The following ADAMTSL3 variants were observed in gnomAD, a reference collection of about 807,000 sequenced individuals.
ADAMTSL3 encodes the protein ADAMTS-like protein 3.
ADAMTSL3 carries 128 observed loss-of-function variants against 201.7 expected under a neutral mutation model. The observed-to-expected ratio is 0.63, with a 90% CI of 0.55 to 0.73. The LOEUF is 0.73. ADAMTSL3 is among the 30% of genes least tolerant of loss of function. The probability of loss-of-function intolerance (pLI) is 0.00; values close to 1 mark genes in which losing one functional copy is unlikely to be tolerated. For synonymous variants in ADAMTSL3, 738 were observed against 748.4 expected (o/e 0.99, Z 0.23); for missense variants, 1,990 against 2,119.6 (o/e 0.94, Z 1.20).
chr15:84,003,560 C>T (rs2067838244), intron 23 of ADAMTSL3, among the ~76,000 whole-genome samples: 1 of 152,110 alleles, frequency 6.6e-6, no homozygotes, highest in Non-Finnish European at 1.5e-5. Context: ...AGAGCAGGAG[C>T]CAGAGTGGCT....
At chr15:83,880,911 A>T (rs1160714331) in intron 9 of ADAMTSL3, among the ~76,000 whole-genome samples, 8 of 150,790 alleles carry the variant, frequency 5.3e-5, no homozygotes, top group East Asian at 1.9e-4. Flanking sequence ...TATAATATCT[A>T]TTTTTTTTCA....
At chr15:83,827,069 C>G (rs2064040026) in intron 6 of ADAMTSL3, among the ~76,000 whole-genome samples, 1 of 152,142 alleles carries the variant, frequency 6.6e-6, no homozygotes, top group Non-Finnish European at 1.5e-5. Flanking sequence ...AGTTCTAGAT[C>G]CCTGAGGAAT....
chr15:83,673,446 A>G (rs2061353461), intron 2 of ADAMTSL3, among the ~76,000 whole-genome samples: 2 of 152,134 alleles, frequency 1.3e-5, no homozygotes, highest in African/African-American at 2.4e-5. Context: ...TGACAGGCCA[A>G]GGTGGTGTCT....
At chr15:83,732,151 T>C (rs1434947542) in intron 3 of ADAMTSL3, among the ~76,000 whole-genome samples, 7 of 152,108 alleles carry the variant, frequency 4.6e-5, no homozygotes, top group Non-Finnish European at 1.0e-4. Context: ...CTCTTACATA[T>C]GTACAGCTTT....
At chr15:83,812,739 G>A (rs1466581558) in intron 5 of ADAMTSL3, among the ~76,000 whole-genome samples, 3 of 152,272 alleles carry the variant, frequency 2.0e-5, no homozygotes, top group Non-Finnish European at 4.4e-5. Flanking sequence ...TTGTCTATAC[G>A]TGTTGACTTC....
At chr15:83,878,751 A>G (rs1001052593) in intron 9 of ADAMTSL3, among the ~76,000 whole-genome samples, 56 of 151,848 alleles carry the variant, frequency 3.7e-4, no homozygotes, top group African/African-American at 1.4e-3. Context: ...ACCTATGTGA[A>G]GGAAAGGGTT....
intron 3 of ADAMTSL3, among the ~76,000 whole-genome samples, chr15:83,722,808 GGTTA>G (rs1388237263): frequency 2.6e-5 from 4 of 151,854 alleles, no homozygotes; most frequent in African/African-American, 9.7e-5. Flanking sequence ...TGGAACAGTT[GGTTA>G]ATTTAGAAAA....
chr15:83,688,751 TATATAC>T lies in ADAMTSL3; in HGVS notation c.70-15636_70-15631del, dbSNP rs1164878511. On this transcript the variant is annotated intron_variant, in intron 2 of 29. Transcript: ENST00000286744. ...CTAGTGTTAAGTATACACATGCATA[TATATAC>T]ACACACACACACACACACACACACA... is the stretch of plus-strand genomic sequence containing the variant. 1.8e-3 allele frequency among the ~76,000 whole-genome samples: 202 copies of T among 114,682 alleles called. 2 individuals are homozygous for T. The highest frequency in any genetic ancestry group is 6.1e-3 in the Admixed American group (69 of 11,292). The allele number at this position is 114,682 out of a possible 152,430, so 75.2% of individuals were successfully genotyped here. A position where few individuals can be genotyped will look rare whatever the true frequency, so the allele number is the denominator to read the frequency against.
chr15:83,767,623 C>G (rs2062914878), intron 3 of ADAMTSL3, among the ~76,000 whole-genome samples: 1 of 152,140 alleles, frequency 6.6e-6, no homozygotes, highest in Non-Finnish European at 1.5e-5. Flanking sequence ...TGTGGAGCTG[C>G]TACATACCGC....
intron 3 of ADAMTSL3, among the ~76,000 whole-genome samples, chr15:83,737,045 T>C (rs1280440412): frequency 6.6e-6 from 1 of 152,230 alleles, no homozygotes; most frequent in Non-Finnish European, 1.5e-5. Flanking sequence ...ACTATCCTTA[T>C]GTAATGTTAA....
intron 28 of ADAMTSL3, 58 bp from the exon 29 acceptor site, chr15:84,036,715 G>C: frequency 7.0e-7 from 1 of 1,431,648 alleles, no homozygotes; most frequent in Non-Finnish European, 9.5e-7. Context: ...CCAGCAAAAA[G>C]TTACACCCTG....
intron 17 of ADAMTSL3, among the ~76,000 whole-genome samples, chr15:83,926,441 G>A (rs1320179364): frequency 6.6e-6 from 1 of 152,060 alleles, no homozygotes; most frequent in Non-Finnish European, 1.5e-5. Context: ...ACAGAAATGG[G>A]GAGAACAAAA....
At chr15:83,700,736 C>A (rs1393382784) in intron 2 of ADAMTSL3, among the ~76,000 whole-genome samples, 1 of 151,966 alleles carries the variant, frequency 6.6e-6, no homozygotes, top group Non-Finnish European at 1.5e-5. Flanking sequence ...TCAATTCCAG[C>A]CTGGGTGACA....
chr15:83,942,898 C>G lies in ADAMTSL3; in HGVS notation c.2311-5C>G, dbSNP rs1329690060. On this transcript the variant is annotated splice_region_variant and splice_polypyrimidine_tract_variant and intron_variant, in intron 18 of 29. Transcript: ENST00000286744. Reference sequence around the variant, plus strand: ...CTGCCGCCTCACCCCCTCTTGTCTTCTTAGTGTTCCAGGACTTGTGGCGGG... The same window carrying G: ...CTGCCGCCTCACCCCCTCTTGTCTTGTTAGTGTTCCAGGACTTGTGGCGGG... 9 of 1,610,986 alleles carry G rather than the reference C, an allele frequency of 5.6e-6. No homozygotes were observed. The highest frequency in any genetic ancestry group is 6.8e-6 in the Non-Finnish European group (8 of 1,178,566).
chr15:84,002,364 GC>G (rs2067806121), intron 23 of ADAMTSL3, among the ~76,000 whole-genome samples: 2 of 152,104 alleles, frequency 1.3e-5, no homozygotes, highest in Admixed American at 1.3e-4. Context: ...TAACAACACT[GC>G]TTTCATCCCC....
At chr15:83,730,533 G>A (rs2062248785) in intron 3 of ADAMTSL3, among the ~76,000 whole-genome samples, 1 of 152,008 alleles carries the variant, frequency 6.6e-6, no homozygotes, top group Admixed American at 6.6e-5. Context: ...GGAGAATAGT[G>A]TAAAAGAAGC....
intron 23 of ADAMTSL3, among the ~76,000 whole-genome samples, chr15:84,005,911 T>A (rs1041496930): frequency 6.6e-6 from 1 of 152,232 alleles, no homozygotes; most frequent in Non-Finnish European, 1.5e-5. Context: ...AAGAGAATTC[T>A]GTAAATAGTA....
At chr15:83,943,109 C>G (rs753668481) in intron 19 of ADAMTSL3, 27 bp downstream of exon 19, 2 of 1,566,194 alleles carry the variant, frequency 1.3e-6, no homozygotes. Context: ...ACTTTATAGT[C>G]CCTTCTTTTC....
At chr15:83,714,864 CCCTCCCTCCCTCCCTT>C (rs74219652) in intron 3 of ADAMTSL3, among the ~76,000 whole-genome samples, 1,511 of 81,534 alleles carry the variant, frequency 0.019, 18 homozygotes, top group Non-Finnish European at 0.02. Context: ...CTCCCTCCCT[CCCTCCCTCCCTCCCTT>C]CCTTCCTTCC....
Sources: allele counts gnomAD v4.1 joint callset (sites outside exome capture counted in the v4.1 genomes callset), GRCh38; gene constraint gnomAD v4.1.1; transcripts MANE v1.5; gene names NCBI Gene and HGNC (gene_info 2026-07-23, HGNC 2026-07-21).